Variants in SLC2A2 observed in about 807,000 individuals in gnomAD.
SLC2A2 encodes solute carrier family 2, facilitated glucose transporter member 2.
A neutral mutation model predicts 54.5 loss-of-function variants in SLC2A2; 36 were observed. The observed-to-expected ratio is 0.66, with a 90% CI of 0.51 to 0.87. The LOEUF (loss-of-function observed/expected upper bound fraction) is 0.87, where lower values mean the gene tolerates loss of function less well. Among genes scored for constraint, SLC2A2 ranks in the 40% least tolerant of loss-of-function variants. SLC2A2 has a pLI of 0.00. For missense variants in SLC2A2, 543 were observed against 624.3 expected (o/e 0.87, Z 1.39); for synonymous variants, 223 against 219.1 (o/e 1.02, Z -0.16).
chr3:171,004,635 T>C (rs192159564), intron 7 of SLC2A2, among the ~76,000 whole-genome samples: 32 of 152,058 alleles, frequency 2.1e-4, no homozygotes, highest in African/African-American at 7.2e-4. Context: ...GCTTAATTTT[T>C]TCCTCTAGTA....
chr3:171,014,207 A>C (rs760036611), intron 3 of SLC2A2, among the ~76,000 whole-genome samples: 1 of 152,192 alleles, frequency 6.6e-6, no homozygotes, highest in South Asian at 2.1e-4. Flanking sequence ...TTTATAACTT[A>C]CAAAGCTAGA....
intron 1 of SLC2A2, among the ~76,000 whole-genome samples, chr3:171,019,127 A>ATG (rs1233198618): frequency 0.1 from 793 of 7,578 alleles, 9 homozygotes; most frequent in Middle Eastern, 0.26. Context: ...ATATATACGT[A>ATG]TGTATATATA....
At chr3:171,005,844 T>A in intron 6 of SLC2A2, 99 bp downstream of exon 6, 1 of 1,236,926 alleles carries the variant, frequency 8.1e-7, no homozygotes, top group Non-Finnish European at 1.2e-6. Flanking sequence ...TGCACATTCT[T>A]CTTACATTTA....
chr3:171,023,608 A>G (rs1334165857), intron 1 of SLC2A2, among the ~76,000 whole-genome samples: 1 of 152,234 alleles, frequency 6.6e-6, no homozygotes, highest in Non-Finnish European at 1.5e-5. Flanking sequence ...GAAGAAGTAC[A>G]TAAGTGCTAC....
In SLC2A2 at chr3:170,997,064, G is replaced by A. The variant is rs1240599022; in HGVS notation, c.*839C>T. Reference sequence around the variant, plus strand: ...CTGACTCATGATTGTTTGAGTGTATGTGAAAACCAGGCTGTCCTCAATTAA... The same window carrying A: ...CTGACTCATGATTGTTTGAGTGTATATGAAAACCAGGCTGTCCTCAATTAA... On this transcript the variant is annotated 3_prime_UTR_variant, in exon 11 of 11. Transcript: ENST00000314251. 1 of 158,206 alleles carries A rather than the reference G, an allele frequency of 6.3e-6. No homozygotes were observed. The highest frequency in any genetic ancestry group is 1.4e-5 in the Non-Finnish European group (1 of 72,322). The allele number at this position is 158,206 out of a possible 1,614,324, so 9.8% of individuals were successfully genotyped here.
chr3:171,025,515 T>C (rs571778389), intron 1 of SLC2A2, among the ~76,000 whole-genome samples: 1 of 152,254 alleles, frequency 6.6e-6, no homozygotes, highest in East Asian at 1.9e-4. Context: ...TCTTTGCCTA[T>C]AAAGGGTATA....
At chr3:171,009,406 C>A (rs1715768516) in intron 4 of SLC2A2, among the ~76,000 whole-genome samples, 1 of 152,106 alleles carries the variant, frequency 6.6e-6, no homozygotes, top group Non-Finnish European at 1.5e-5. Context: ...TCATACAGGG[C>A]TGGGGAATGT....
Position 171,006,000 on chromosome 3 carries a change from G to C in SLC2A2, c.718C>G (p.Pro240Ala). 1 of 1,612,550 alleles carries C rather than the reference G, an allele frequency of 6.2e-7. No homozygotes were observed. The highest frequency in any genetic ancestry group is 8.5e-7 in the Non-Finnish European group (1 of 1,179,024). ...ILQSLLLFFCPESPRYLYIKL... is the reference protein window; with the variant it reads ...ILQSLLLFFCAESPRYLYIKL... ...ATGTAAAGGTATCTGGGGCTTTCTG[G>C]ACAGAAAAAGAGTAGCAGAGACTGA... Residue 240 changes from proline (P) to alanine (A), a missense_variant, in exon 6 of 11, where the codon CCA (proline) becomes GCA (alanine). By Grantham distance (27) the Pro-to-Ala change is conservative (BLOSUM62 -1). This residue lies in a region of SLC2A2 where 318 missense variants were observed against 343.8 expected (regional missense o/e 0.93). Transcript: ENST00000314251.
In SLC2A2 at chr3:171,018,600, A is replaced by G. The variant is rs375465762; in HGVS notation, c.39T>C (p.Thr13=). The G allele has an allele frequency of 1.2e-5, 19 of 1,613,988 alleles. No homozygotes were observed. The African/African-American group carries it at 2.3e-4, about 19-fold the overall frequency. The change falls in exon 2 of 11, where the codon ACT becomes ACC. Residue 13 remains threonine, a synonymous_variant. Transcript: ENST00000314251. ...AGGAACCCAGCACAGCAGTGATGAC[A>G]GTGAAAACCAGGGTCCCAGTGACCT... is the stretch of plus-strand genomic sequence containing the variant. The part of the protein sequence containing the change: ...EDKVTGTLVF[T]VITAVLGSFQ...
chr3:171,000,227 A>T (rs1471729425), intron 8 of SLC2A2, among the ~76,000 whole-genome samples: 1 of 152,140 alleles, frequency 6.6e-6, no homozygotes, highest in Non-Finnish European at 1.5e-5. Context: ...CTAAGAGCAC[A>T]TATTTAATTA....
intron 4 of SLC2A2, among the ~76,000 whole-genome samples, chr3:171,008,656 T>C (rs1016968770): frequency 6.6e-6 from 1 of 151,990 alleles, no homozygotes; most frequent in African/African-American, 2.4e-5. Flanking sequence ...TCACACTGTA[T>C]TTTTTTAAAT....
intron 8 of SLC2A2, among the ~76,000 whole-genome samples, chr3:171,001,357 G>A (rs917387002): frequency 2.0e-5 from 3 of 151,994 alleles, no homozygotes; most frequent in African/African-American, 7.3e-5. Context: ...GGTCTTGATT[G>A]ATTTAGAGTG....
At position 170,998,094 on chromosome 3, in the gene SLC2A2, C is replaced by T. The variant is rs774542648; in HGVS notation, c.1384G>A (p.Gly462Arg). The change falls in exon 11 of 11, where the codon GGA becomes AGA. Residue 462 changes from glycine to arginine, a missense_variant. Transcript: ENST00000314251. Reference sequence around the variant, plus strand: ...GCAAAGAGGAAAAACACATAAGGTCCACAGAAGTCCTGGATAGAAAGCAAA... The same window carrying T: ...GCAAAGAGGAAAAACACATAAGGTCTACAGAAGTCCTGGATAGAAAGCAAA... ...LCFQYIADFC[G>R]PYVFFLFAGV... 6.2e-7 allele frequency: 1 copy of T among 1,613,554 alleles called. No homozygotes were observed. Among genetic ancestry groups the T allele is most frequent in the Non-Finnish European group, 8.5e-7 (1 of 1,179,752 alleles).
chr3:171,004,994 A>G (rs569896933), intron 7 of SLC2A2, among the ~76,000 whole-genome samples: 2 of 151,952 alleles, frequency 1.3e-5, no homozygotes, highest in South Asian at 4.2e-4. Flanking sequence ...GGAGGGTTGT[A>G]TAATTATTCT....
chr3:171,004,348 C>G (rs1455503639), intron 7 of SLC2A2, among the ~76,000 whole-genome samples: 5 of 152,090 alleles, frequency 3.3e-5, no homozygotes, highest in African/African-American at 9.6e-5. Context: ...CAAAGTTATA[C>G]AGAGTATTAA....
intron 5 of SLC2A2, among the ~76,000 whole-genome samples, chr3:171,006,474 A>G (rs1472264205): frequency 6.6e-6 from 1 of 152,082 alleles, no homozygotes; most frequent in Non-Finnish European, 1.5e-5. Flanking sequence ...AACCAGATAG[A>G]ATAATACTGT....
chr3:171,016,816 T>G (rs1716172507), intron 2 of SLC2A2, among the ~76,000 whole-genome samples: 4 of 152,036 alleles, frequency 2.6e-5, no homozygotes, highest in Admixed American at 2.6e-4. Flanking sequence ...TAGCCTAAGC[T>G]TCCGTCTAAG....
intron 3 of SLC2A2, 135 bp downstream of exon 3, chr3:171,014,334 C>T: frequency 1.2e-6 from 1 of 868,778 alleles, no homozygotes; most frequent in Non-Finnish European, 1.8e-6. Context: ...CACTGATATG[C>T]CTCATAGGGT....
In SLC2A2 at chr3:171,005,930, T is replaced by A. The variant is rs1460958610; in HGVS notation, c.775+13A>T. 4.3e-6 allele frequency: 7 copies of A among 1,610,410 alleles called. No homozygotes were observed. Among genetic ancestry groups the A allele is most frequent in the Non-Finnish European group, 4.2e-6 (5 of 1,177,260 alleles). On this transcript the variant is annotated intron_variant, in intron 6 of 10. Transcript: ENST00000314251. ...AAACAATAGGAAGAAAGAAAAACCA[T>A]CCACAGACTTACTTTGTTTTGCTTT...
Sources: allele counts gnomAD v4.1 joint callset (sites outside exome capture counted in the v4.1 genomes callset), GRCh38; gene constraint gnomAD v4.1.1; regional missense constraint gnomAD v4.1.1; transcripts MANE v1.5; gene names NCBI Gene and HGNC (gene_info 2026-07-23, HGNC 2026-07-21).